The following PAK4 variants were observed in gnomAD, a reference collection of about 807,000 sequenced individuals.
PAK4 encodes p21 (RAC1) activated kinase 4.
Under a neutral mutation model 53.5 loss-of-function variants are expected in PAK4, and 49 were observed. The observed-to-expected ratio is 0.92, with a 90% CI of 0.73 to 1.16. The LOEUF is 1.16. PAK4 is among the 50% of genes most tolerant of loss of function. PAK4 has a pLI of 0.00. For synonymous variants in PAK4, 376 were observed against 375.6 expected (o/e 1.00, Z -0.01); for missense variants, 824 against 850.7 (o/e 0.97, Z 0.39).
At chr19:39,146,112 A>C (rs1045994551) in intron 1 of PAK4, among the ~76,000 whole-genome samples, 1 of 152,234 alleles carries the variant, frequency 6.6e-6, no homozygotes, top group Non-Finnish European at 1.5e-5. Context: ...CTTGCCATTC[A>C]TTCACTCATT....
chr19:39,160,408 G>A (rs2074265247), intron 1 of PAK4, among the ~76,000 whole-genome samples: 2 of 152,208 alleles, frequency 1.3e-5, no homozygotes, highest in Admixed American at 6.5e-5. Flanking sequence ...ATTCTGCTGG[G>A]GGCACTGCCA....
At chr19:39,139,486 G>C (rs900416534) in intron 1 of PAK4, among the ~76,000 whole-genome samples, 1 of 152,170 alleles carries the variant, frequency 6.6e-6, no homozygotes, top group South Asian at 2.1e-4. Flanking sequence ...ATGGGAGTTT[G>C]CGAATGGGGA....
intron 2 of PAK4, among the ~76,000 whole-genome samples, chr19:39,172,443 C>T (rs373273946): frequency 6.6e-6 from 1 of 152,148 alleles, no homozygotes; most frequent in Non-Finnish European, 1.5e-5. Flanking sequence ...CCCTGTCCCC[C>T]ACTCCTTGTT....
chr19:39,135,422 G>A (rs192660450), intron 1 of PAK4, among the ~76,000 whole-genome samples: 3 of 136,104 alleles, frequency 2.2e-5, no homozygotes, highest in Non-Finnish European at 3.0e-5. Context: ...TGCAACCTCC[G>A]CTTCCCAGAT....
chr19:39,151,261 A>G (rs1370499523), intron 1 of PAK4, among the ~76,000 whole-genome samples: 1 of 152,220 alleles, frequency 6.6e-6, no homozygotes, highest in Non-Finnish European at 1.5e-5. Flanking sequence ...TTTTATAAAT[A>G]TGAAAAATGC....
chr19:39,153,499 C>T (rs8105289), intron 1 of PAK4, among the ~76,000 whole-genome samples: 43,354 of 132,134 alleles, frequency 0.33, 7,419 homozygotes, highest in East Asian at 0.45. Context: ...TGGAGTGCAG[C>T]GGCACCATCT....
chr19:39,162,770 C>A (rs2074305923), intron 1 of PAK4, among the ~76,000 whole-genome samples: 2 of 152,134 alleles, frequency 1.3e-5, no homozygotes, highest in South Asian at 4.1e-4. Context: ...TGCTATGGGC[C>A]CCAGGCCCAG....
chr19:39,168,768 T>C (rs1410649797), intron 1 of PAK4: 1 of 152,244 alleles, frequency 6.6e-6, no homozygotes, highest in East Asian at 1.9e-4. Context: ...TAGGGGAGTG[T>C]CGCGACAAGG....
rs1024870343 is a variant in PAK4 at position 39,174,867 on chromosome 19, G to A, written c.1099-64G>A. On this transcript the variant is annotated intron_variant, in intron 4 of 8. Coordinates refer to ENST00000358301, the Ensembl canonical transcript of PAK4. Reference sequence around the variant, plus strand: ...TGCAGGGGGAGCCAGGGGGGTGGCGGTGGCTGGGTCTGGCACTGGCAGCCC... The same window carrying A: ...TGCAGGGGGAGCCAGGGGGGTGGCGATGGCTGGGTCTGGCACTGGCAGCCC... 7 of 1,598,982 alleles carry A rather than the reference G, an allele frequency of 4.4e-6. No homozygotes were observed. The African/African-American group carries it at 8.0e-5, about 18-fold the overall frequency.
chr19:39,167,715 C>T (rs888557542), intron 1 of PAK4, among the ~76,000 whole-genome samples: 2 of 152,126 alleles, frequency 1.3e-5, no homozygotes, highest in Non-Finnish European at 2.9e-5. Flanking sequence ...GCTGCCAAAC[C>T]GGTTCCCCTG....
intron 1 of PAK4, among the ~76,000 whole-genome samples, chr19:39,126,154 G>T (rs1009318354): frequency 6.6e-6 from 1 of 152,196 alleles, no homozygotes; most frequent in Non-Finnish European, 1.5e-5. Flanking sequence ...ATTCGAAGTG[G>T]GGGCGCGTTC....
At chr19:39,158,730 G>T (rs367913247) in intron 1 of PAK4, among the ~76,000 whole-genome samples, 1 of 152,240 alleles carries the variant, frequency 6.6e-6, no homozygotes, top group Admixed American at 6.5e-5. Context: ...CACTCTCTGC[G>T]CTGGGCAAGC....
At chr19:39,154,400 TA>T (rs2074142318) in intron 1 of PAK4, among the ~76,000 whole-genome samples, 1 of 152,130 alleles carries the variant, frequency 6.6e-6, no homozygotes, top group Non-Finnish European at 1.5e-5. Flanking sequence ...ATCATGTGTG[TA>T]CCCATACACA....
chr19:39,173,321 G>C lies in PAK4; in HGVS notation c.608G>C (p.Arg203Pro). Residue 203 changes from arginine (R) to proline (P), a missense_variant, in exon 3 of 9, where the codon CGG (arginine) becomes CCG (proline). By Grantham distance (103) the Arg-to-Pro change is moderately radical. Transcript: ENST00000358301. The surrounding 1 kb of genome is among the most constrained non-coding windows in gnomAD (Gnocchi z 6.9). ...AGTGGGGCGAAACTGGCAGCTGGCC[G>C]GCCCTTTAACACCTACCCGAGGGCT... is the stretch of plus-strand genomic sequence containing the variant. 1 of 1,595,754 alleles carries C rather than the reference G, an allele frequency of 6.3e-7. No homozygotes were observed. The highest frequency in any genetic ancestry group is 8.5e-7 in the Non-Finnish European group (1 of 1,170,756).
chr19:39,177,863 C>T (rs1423905902), intron 8 of PAK4, 54 bp downstream of exon 9: 5 of 1,567,758 alleles, frequency 3.2e-6, no homozygotes, highest in Admixed American at 3.6e-5. Flanking sequence ...TGGCAGGGCT[C>T]CAGGTGGAGC....
chr19:39,148,376 G>T (rs981825007), intron 1 of PAK4, among the ~76,000 whole-genome samples: 4 of 142,804 alleles, frequency 2.8e-5, no homozygotes, highest in African/African-American at 7.8e-5. Flanking sequence ...TTTTAATTTT[G>T]TATTAATTTT....
chr19:39,178,198 C>T lies in PAK4; in HGVS notation c.1621-226C>T, dbSNP rs900163548. 3.9e-5 allele frequency among the ~76,000 whole-genome samples: 6 copies of T among 152,106 alleles called. No homozygotes were observed. The highest frequency in any genetic ancestry group is 1.4e-4 in the African/African-American group (6 of 41,398). On this transcript the variant is annotated intron_variant, in intron 8 of 8. Transcript: ENST00000358301. This position sits in a 1 kb window ranked among gnomAD's most constrained non-coding sequence, Gnocchi z 4.4. ...ATGGAAATAGGGAGTACATGAGCCC[C>T]CAGGGTTTGTCACTTCCTCTGGGGC...
At chr19:39,144,260 C>T (rs1388433208) in intron 1 of PAK4, among the ~76,000 whole-genome samples, 1 of 152,150 alleles carries the variant, frequency 6.6e-6, no homozygotes, top group Non-Finnish European at 1.5e-5. Flanking sequence ...CTGATACACT[C>T]GCCGTGTGAC....
intron 1 of PAK4, among the ~76,000 whole-genome samples, chr19:39,147,888 CTGT>C (rs2074028304): frequency 1.7e-5 from 1 of 58,640 alleles, no homozygotes; most frequent in African/African-American, 7.0e-5. Context: ...TGAGTTTTCA[CTGT>C]TGTTCTTTTT....
Sources: allele counts gnomAD v4.1 joint callset (sites outside exome capture counted in the v4.1 genomes callset), GRCh38; gene constraint gnomAD v4.1.1; non-coding constraint Gnocchi (gnomAD v3.1); transcripts MANE v1.5; gene names NCBI Gene and HGNC (gene_info 2026-07-23, HGNC 2026-07-21).